Variants in CUBN observed in about 807,000 individuals in gnomAD.
CUBN encodes the protein 460 kDa receptor.
Under a neutral mutation model 405.3 loss-of-function variants are expected in CUBN, and 282 were observed. The observed-to-expected ratio is 0.70, with a 90% CI of 0.63 to 0.77. CUBN has a LOEUF of 0.77. Ranked by LOEUF, CUBN falls within the 30% of genes least tolerant of loss-of-function variation. The pLI is 0.00. For synonymous variants in CUBN, 1,684 were observed against 1,617.0 expected (o/e 1.04, Z -0.99); for missense variants, 4,514 against 4,475.2 (o/e 1.01, Z -0.25).
chr10:16,824,853 A>C lies in CUBN; in HGVS notation c.*122T>G. 1.3e-6 allele frequency: 1 copy of C among 764,498 alleles called. No individual in the cohort carries two copies. The highest frequency in any genetic ancestry group is 2.3e-6 in the Non-Finnish European group (1 of 436,914). 47.4% of individuals were successfully genotyped at this position (764,498 alleles called of 1,614,324 possible). On this transcript the variant is annotated 3_prime_UTR_variant, in exon 67 of 67. Transcript: ENST00000377833. ...TATTGATTCTATCCATGGTTTGGTG[A>C]AAAACCATACAAGTTCAGCTTATTC...
At chr10:16,926,450 T>G (rs1156807760) in intron 41 of CUBN, among the ~76,000 whole-genome samples, 1 of 152,124 alleles carries the variant, frequency 6.6e-6, no homozygotes, top group Non-Finnish European at 1.5e-5. Context: ...TCACTCTATG[T>G]GCAGTCCTTA....
At chr10:16,850,946 C>G (rs573167785) in intron 60 of CUBN, among the ~76,000 whole-genome samples, 2 of 152,308 alleles carry the variant, frequency 1.3e-5, no homozygotes, top group South Asian at 4.1e-4. Flanking sequence ...AGAAAACCGA[C>G]CTTCCTATAG....
chr10:17,105,637 C>A, intron 10 of CUBN, 62 bp from the exon 11 acceptor site: 1 of 908,330 alleles, frequency 1.1e-6, no homozygotes, highest in Non-Finnish European at 1.8e-6. Context: ...GATGCAGTAT[C>A]TAAACTCAGA....
chr10:16,907,548 A>G lies in CUBN; in HGVS notation c.7665T>C (p.Tyr2555=). Residue 2555 remains tyrosine (Y), a synonymous_variant, in exon 49 of 67, where the codon TAT becomes TAC. Transcript: ENST00000377833. ...AGGTATAGGAAGCAGTGAAGCCGCCATATGGCCTGGATCCATCCGTGAAAA... is the reference window on the plus strand; with the variant it reads ...AGGTATAGGAAGCAGTGAAGCCGCCGTATGGCCTGGATCCATCCGTGAAAA... ...VIFFTDGSRP[Y]GGFTASYTSS... The G allele has an allele frequency of 6.2e-7, 1 of 1,614,188 alleles. No individual in the cohort carries two copies. Among genetic ancestry groups the G allele is most frequent in the Non-Finnish European group, 8.5e-7 (1 of 1,180,034 alleles).
At chr10:17,067,802 T>A (rs569493399) in intron 21 of CUBN, among the ~76,000 whole-genome samples, 1 of 152,122 alleles carries the variant, frequency 6.6e-6, no homozygotes, top group Non-Finnish European at 1.5e-5. Context: ...CAAGGAATTA[T>A]AACGGAAAGG....
chr10:17,051,548 G>C (rs946173794), intron 22 of CUBN, among the ~76,000 whole-genome samples: 4 of 151,810 alleles, frequency 2.6e-5, no homozygotes, highest in Non-Finnish European at 5.9e-5. Context: ...AAGACTTAAA[G>C]AAAAAGCCTT....
chr10:17,083,516 AATACATACATAC>A (rs146497391), intron 17 of CUBN, among the ~76,000 whole-genome samples: 9 of 142,626 alleles, frequency 6.3e-5, no homozygotes, highest in Non-Finnish European at 4.5e-5. Flanking sequence ...AAAATAAATA[AATACATACATAC>A]ATACATACAT....
chr10:17,128,883 A>G (rs1837258960), intron 2 of CUBN, among the ~76,000 whole-genome samples: 2 of 152,238 alleles, frequency 1.3e-5, no homozygotes, highest in Non-Finnish European at 2.9e-5. Context: ...ACATTTCAAA[A>G]TAACTAGAAG....
At chr10:16,960,376 C>T (rs566225000) in intron 31 of CUBN, among the ~76,000 whole-genome samples, 1 of 152,270 alleles carries the variant, frequency 6.6e-6, no homozygotes, top group East Asian at 1.9e-4. Context: ...CCTGTAATCC[C>T]AGCTACCTGG....
intron 31 of CUBN, among the ~76,000 whole-genome samples, chr10:16,960,254 G>A (rs1041106695): frequency 6.6e-6 from 1 of 152,244 alleles, no homozygotes; most frequent in Non-Finnish European, 1.5e-5. Context: ...CACTTTGGGA[G>A]ACCGAGGCAG....
At chr10:16,884,075 G>T (rs1428277591) in intron 56 of CUBN, among the ~76,000 whole-genome samples, 1 of 152,156 alleles carries the variant, frequency 6.6e-6, no homozygotes, top group Non-Finnish European at 1.5e-5. Context: ...CGCCTCCCGG[G>T]TTCACGCCAT....
At chr10:17,056,458 A>C (rs746720185) in intron 22 of CUBN, among the ~76,000 whole-genome samples, 23 of 151,922 alleles carry the variant, frequency 1.5e-4, no homozygotes, top group Admixed American at 3.3e-4. Context: ...AAATACAAAA[A>C]ATTACCTGGG....
chr10:17,088,351 A>C lies in CUBN; in HGVS notation c.1766-6T>G, dbSNP rs760789653. ...AGTCAGGATACCTCCACACTCTAAA[A>C]TAAGAGGGAAAAATAATGTTACATT... On this transcript the variant is annotated splice_polypyrimidine_tract_variant and splice_region_variant and intron_variant, in intron 14 of 66. Coordinates refer to ENST00000377833, the MANE Select transcript of CUBN (RefSeq NM_001081.4). 1 of 1,601,542 alleles carries C rather than the reference A, an allele frequency of 6.2e-7. No homozygotes were observed. Among genetic ancestry groups the C allele is most frequent in the South Asian group, 1.1e-5 (1 of 90,800 alleles).
chr10:17,094,492 T>C (rs533203504), intron 14 of CUBN, among the ~76,000 whole-genome samples: 4 of 152,172 alleles, frequency 2.6e-5, no homozygotes, highest in Admixed American at 1.3e-4. Flanking sequence ...CTTTCATACA[T>C]AGAATACCCT....
intron 36 of CUBN, among the ~76,000 whole-genome samples, chr10:16,941,759 T>C (rs912666292): frequency 5.2e-4 from 79 of 152,174 alleles, no homozygotes; most frequent in Non-Finnish European, 1.0e-4. Context: ...GGAAGATGGC[T>C]TAAGCCTGGG....
Position 16,906,252 on chromosome 10 carries a change from G to C in CUBN, c.7863C>G (p.Tyr2621Ter). Residue 2621 changes from tyrosine (Y) to a stop codon, truncating the protein, a stop_gained, in exon 50 of 67, where the codon TAC becomes TAG. Coordinates refer to ENST00000377833, the MANE Select transcript of CUBN (RefSeq NM_001081.4). LOFTEE classifies it high-confidence loss of function. Reference sequence around the variant, plus strand: ...ATTGACAGTCTTGGTGACTTTCTAGGTAAAAATCTTCAAAGTGAATGGAAA... The same window carrying C: ...ATTGACAGTCTTGGTGACTTTCTAGCTAAAAATCTTCAAAGTGAATGGAAA... Reference protein sequence around the residue: ...SSISIHFEDFYLESHQDCQFD... With the variant: ...SSISIHFEDF 6.2e-7 allele frequency: 1 copy of C among 1,614,176 alleles called. No individual in the cohort carries two copies.
At chr10:17,091,965 G>T (rs1456600970) in intron 14 of CUBN, among the ~76,000 whole-genome samples, 1 of 152,054 alleles carries the variant, frequency 6.6e-6, no homozygotes, top group African/African-American at 2.4e-5. Context: ...TAATAAACTT[G>T]CTTTCACTTT....
intron 28 of CUBN, among the ~76,000 whole-genome samples, chr10:16,993,833 C>T (rs1296057199): frequency 1.3e-5 from 2 of 151,960 alleles, no homozygotes; most frequent in Non-Finnish European, 2.9e-5. Context: ...AAGTGATACT[C>T]TGTCAGGAAA....
chr10:17,025,844 G>A (rs568982669), intron 27 of CUBN, among the ~76,000 whole-genome samples: 6 of 152,114 alleles, frequency 3.9e-5, no homozygotes, highest in South Asian at 2.1e-4. Context: ...AAACCAAGGC[G>A]AATCATCCTG....
Sources: allele counts gnomAD v4.1 joint callset (sites outside exome capture counted in the v4.1 genomes callset), GRCh38; gene constraint gnomAD v4.1.1; transcripts MANE v1.5; gene names NCBI Gene and HGNC (gene_info 2026-07-23, HGNC 2026-07-21).